The following LCK variants were observed in gnomAD, a reference collection of about 807,000 sequenced individuals.
LCK encodes the protein LCK proto-oncogene, Src family tyrosine kinase.
A neutral mutation model predicts 64.6 loss-of-function variants in LCK; 14 were observed. The observed-to-expected ratio is 0.22, with a 90% CI of 0.14 to 0.34. The LOEUF is 0.34. Ranked by LOEUF, LCK falls within the 10% of genes least tolerant of loss-of-function variation. The pLI is 1.00. For synonymous variants in LCK, 277 were observed against 263.6 expected, an observed-to-expected ratio of 1.05 and a Z score of -0.49; for missense variants, 434 against 668.1, an observed-to-expected ratio of 0.65 and a Z score of 3.86.
At chr1:32,283,428 C>A (rs1640521279) in intron 12 of LCK, among the ~76,000 whole-genome samples, 1 of 151,980 alleles carries the variant, frequency 6.6e-6, no homozygotes. Context: ...TTTGTAAATA[C>A]CCTATAAGGT....
rs1640371123 is a variant in LCK at position 32,279,134 on chromosome 1, A to G, written c.965-537A>G. On this transcript the variant is annotated intron_variant, in intron 9 of 12. Transcript: ENST00000336890. Reference sequence around the variant, plus strand: ...TACTGGGGAAACCAGAGTTTGTGCCATGGGAAAGTTCCAGCATGCCCATGG... The same window carrying G: ...TACTGGGGAAACCAGAGTTTGTGCCGTGGGAAAGTTCCAGCATGCCCATGG... Among the ~76,000 whole-genome samples the G allele has an allele frequency of 1.3e-5, 2 of 152,216 alleles. 1 individual carries two copies. Among genetic ancestry groups the G allele is most frequent in the East Asian group, 3.9e-4 (2 of 5,194 alleles).
rs763681220 is a variant in LCK at position 32,275,635 on chromosome 1, C to T, written c.444C>T (p.His148=). The stretch of plus-strand genomic sequence containing the variant: ...AGCTCCTGGCGCCCGGGAACACTCA[C>T]GGCTCCTTCCTCATCCGGGAGAGCG... ...ERQLLAPGNT[H]GSFLIRESES... Residue 148 remains histidine (H), a synonymous_variant, in exon 6 of 13, where the codon CAC becomes CAT. Coordinates refer to ENST00000336890, the MANE Select transcript of LCK (RefSeq NM_005356.5). This position sits in a 1 kb window ranked among gnomAD's most constrained non-coding sequence, Gnocchi z 6.9. The T allele has an allele frequency of 6.4e-7, 1 of 1,571,154 alleles. No homozygotes were observed. Among genetic ancestry groups the T allele is most frequent in the Non-Finnish European group, 8.6e-7 (1 of 1,158,974 alleles).
intron 1 of LCK, among the ~76,000 whole-genome samples, chr1:32,271,853 G>A (rs1252959924): frequency 1.3e-5 from 2 of 152,142 alleles, no homozygotes; most frequent in Non-Finnish European, 2.9e-5. Context: ...TCTCATCAAA[G>A]GTATGGGAGA....
chr1:32,270,918 G>T (rs1190878241), intron 1 of LCK, among the ~76,000 whole-genome samples: 2 of 150,444 alleles, frequency 1.3e-5, no homozygotes, highest in Admixed American at 6.6e-5. Context: ...TGGCCAGGAT[G>T]GTCTCGATCC....
rs774257451 is a variant in LCK, at chr1:32,280,125, C to T, written c.1242C>T (p.Tyr414=). The T allele has an allele frequency of 1.1e-5, 18 of 1,614,026 alleles. No individual in the cohort carries two copies. The highest frequency in any genetic ancestry group is 3.3e-5 in the Admixed American group (2 of 59,986). The change falls in exon 12 of 13, where the codon TAC becomes TAT. Residue 414 remains tyrosine (Y), a synonymous_variant. Transcript: ENST00000336890. ...GGACAGCGCCAGAAGCCATTAACTA[C>T]GGGACATTCACCATCAAGTCAGATG... The part of the protein sequence containing the change: ...IKWTAPEAIN[Y]GTFTIKSDVW...
intron 1 of LCK, among the ~76,000 whole-genome samples, chr1:32,270,525 G>T (rs887572258): frequency 3.3e-5 from 5 of 151,268 alleles, no homozygotes; most frequent in Admixed American, 2.0e-4. Flanking sequence ...CTCCTGAGTA[G>T]CTGGGATTAC....
rs929950608 is a variant in LCK, at chr1:32,280,310, G to GC, written c.1327+101dup. The GC allele has an allele frequency of 2.7e-6, 4 of 1,474,416 alleles. No individual in the cohort carries two copies. In the African/African-American group the frequency reaches 4.2e-5, roughly 15 times the overall value. The allele number at this position is 1,474,416 out of a possible 1,614,324, so 91.3% of individuals were successfully genotyped here. Reference sequence around the variant, plus strand: ...TCTCAGAATCTGAAACTTTGTAGCTGCATCTCCTCTATCTTCTCAGGGGTA... The same window carrying GC: ...TCTCAGAATCTGAAACTTTGTAGCTGCCATCTCCTCTATCTTCTCAGGGGTA... On this transcript the variant is annotated intron_variant, in intron 12 of 12. Coordinates refer to ENST00000336890, the MANE Select transcript of LCK (RefSeq NM_005356.5).
chr1:32,252,005 A>T (rs1390971356), intron 1 of LCK, among the ~76,000 whole-genome samples: 1 of 151,988 alleles, frequency 6.6e-6, no homozygotes, highest in African/African-American at 2.4e-5. Flanking sequence ...TCGAGGGAAG[A>T]ATCTCCTGAT....
intron 1 of LCK, among the ~76,000 whole-genome samples, chr1:32,253,986 A>T (rs972017836): frequency 1.3e-5 from 2 of 152,014 alleles, no homozygotes; most frequent in African/African-American, 4.8e-5. Flanking sequence ...CCATGCACAC[A>T]CCCACGAGCT....
chr1:32,256,085 T>C (rs1017249397), intron 1 of LCK, among the ~76,000 whole-genome samples: 3 of 151,986 alleles, frequency 2.0e-5, no homozygotes, highest in Admixed American at 2.0e-4. Flanking sequence ...CTGGGCAACA[T>C]AGCAACACCC....
In LCK at chr1:32,276,645, C is replaced by T. The variant is rs1346169590; in HGVS notation, c.823C>T (p.Leu275=). 6.2e-7 allele frequency: 1 copy of T among 1,613,864 alleles called. No individual in the cohort carries two copies. The highest frequency in any genetic ancestry group is 1.3e-5 in the African/African-American group (1 of 75,034). The change falls in exon 9 of 13, where the codon CTG becomes TTG. Residue 275 remains leucine, a synonymous_variant. Transcript: ENST00000336890. The surrounding 1 kb of genome is among the most constrained non-coding windows in gnomAD (Gnocchi z 4.6). ...GCACACGAAGGTGGCGGTGAAGAGC[C>T]TGAAGCAGGGCAGCATGTCCCCGGA... The part of the protein sequence containing the change: ...NGHTKVAVKS[L]KQGSMSPDAF...
intron 2 of LCK, 97 bp from the exon 3 acceptor site, chr1:32,274,640 C>A: frequency 9.2e-7 from 1 of 1,091,178 alleles, no homozygotes; most frequent in Non-Finnish European, 1.3e-6. Context: ...AACATCTAAC[C>A]AGGCTGGAGA....
rs375970795 is a variant in LCK, at chr1:32,273,164, T to G, written c.-5-1161T>G. On this transcript the variant is annotated intron_variant, in intron 1 of 12. Transcript: ENST00000336890. ...TGTGTGTGGGGGGTGAGTGTGTGTG[T>G]GGGGGGGCACTTGTGGAGGGTGAGT... 3.0e-3 allele frequency among the ~76,000 whole-genome samples: 183 copies of G among 61,698 alleles called. 2 individuals are homozygous for G. The highest frequency in any genetic ancestry group is 7.6e-3 in the East Asian group (14 of 1,832). 40.5% of individuals were successfully genotyped at this position (61,698 alleles called of 152,430 possible). A position where few individuals can be genotyped will look rare whatever the true frequency, so the allele number is the denominator to read the frequency against.
At chr1:32,260,037 TTTTTA>T (rs973999771) in intron 1 of LCK, among the ~76,000 whole-genome samples, 5 of 151,904 alleles carry the variant, frequency 3.3e-5, no homozygotes, top group Middle Eastern at 3.4e-3. Flanking sequence ...TTTATTTTTA[TTTTTA>T]TTTTATTTTA....
At chr1:32,280,612 T>G (rs1033318199) in intron 12 of LCK, among the ~76,000 whole-genome samples, 1 of 151,870 alleles carries the variant, frequency 6.6e-6, no homozygotes, top group Non-Finnish European at 1.5e-5. Context: ...CGTGCCACCA[T>G]GCGCAGCTAA....
At position 32,275,660 on chromosome 1, in the gene LCK, G is replaced by A; in HGVS notation, c.469G>A (p.Glu157Lys). 1.3e-6 allele frequency: 2 copies of A among 1,564,746 alleles called. No individual in the cohort carries two copies. The highest frequency in any genetic ancestry group is 1.7e-6 in the Non-Finnish European group (2 of 1,156,172). ...THGSFLIRES[E>K]STAGSFSLSV... ...CGGCTCCTTCCTCATCCGGGAGAGC[G>A]AGAGCACCGCGGGTGAGCGGGCGGC... The change falls in exon 6 of 13, where the codon GAG becomes AAG. Residue 157 changes from glutamate to lysine, a missense_variant. Glu to Lys is a moderately conservative substitution (Grantham distance 56). Transcript: ENST00000336890. This position sits in a 1 kb window ranked among gnomAD's most constrained non-coding sequence, Gnocchi z 6.9.
At chr1:32,265,951 C>T (rs369208201) in intron 1 of LCK, among the ~76,000 whole-genome samples, 1 of 152,140 alleles carries the variant, frequency 6.6e-6, no homozygotes, top group Non-Finnish European at 1.5e-5. Context: ...ACATGAGCTA[C>T]AGCACCCGGC....
intron 1 of LCK, among the ~76,000 whole-genome samples, chr1:32,253,889 T>C (rs976762577): frequency 5.9e-5 from 9 of 151,702 alleles, no homozygotes; most frequent in Admixed American, 5.9e-4. Flanking sequence ...CAAAACACCA[T>C]ACATATCATG....
intron 1 of LCK, chr1:32,269,552 G>C (rs1640022420): frequency 6.6e-6 from 1 of 151,478 alleles, no homozygotes; most frequent in Non-Finnish European, 1.5e-5. Flanking sequence ...TCCTGCCTCA[G>C]CCTCCCAAGA....
Sources: allele counts gnomAD v4.1 joint callset (sites outside exome capture counted in the v4.1 genomes callset), GRCh38; gene constraint gnomAD v4.1.1; non-coding constraint Gnocchi (gnomAD v3.1); transcripts MANE v1.5; gene names NCBI Gene and HGNC (gene_info 2026-07-23, HGNC 2026-07-21).